The following CREBBP variants were observed in gnomAD, a reference collection of about 807,000 sequenced individuals.
CREBBP encodes the protein CREB-binding protein.
CREBBP carries 19 observed loss-of-function variants against 265.0 expected under a neutral mutation model. The ratio of observed to expected loss-of-function variants is 0.07; its 90% CI spans 0.05 to 0.11. The LOEUF is 0.11. Ranked by LOEUF, CREBBP falls within the 10% of genes least tolerant of loss-of-function variation. The probability of loss-of-function intolerance (pLI) is 1.00; values close to 1 mark genes in which losing one functional copy is unlikely to be tolerated. For missense variants in CREBBP, 2,525 were observed against 3,219.0 expected, an observed-to-expected ratio of 0.78 and a Z score of 5.22; for synonymous variants, 1,457 against 1,223.7, an observed-to-expected ratio of 1.19 and a Z score of -3.98.
intron 1 of CREBBP, among the ~76,000 whole-genome samples, chr16:3,861,559 G>C (rs942102361): frequency 6.7e-5 from 10 of 149,538 alleles, no homozygotes; most frequent in Non-Finnish European, 1.3e-4. Flanking sequence ...CATCCCTGCT[G>C]ATCTGTGGCA....
intron 2 of CREBBP, among the ~76,000 whole-genome samples, chr16:3,833,368 C>T (rs1471280410): frequency 6.6e-6 from 1 of 152,212 alleles, no homozygotes; most frequent in Non-Finnish European, 1.5e-5. Context: ...GGCGAGATAG[C>T]ACCACTGCAC....
At chr16:3,851,980 G>C (rs1426958897) in intron 1 of CREBBP, among the ~76,000 whole-genome samples, 1 of 126,100 alleles carries the variant, frequency 7.9e-6, no homozygotes, top group African/African-American at 2.9e-5. Flanking sequence ...GGAGCTTGCA[G>C]TGAGCTGAGA....
intron 1 of CREBBP, among the ~76,000 whole-genome samples, chr16:3,873,149 G>A (rs2055334891): frequency 6.6e-6 from 1 of 152,152 alleles, no homozygotes; most frequent in South Asian, 2.1e-4. Flanking sequence ...GGTACCTCAA[G>A]ATAAATTATA....
intron 2 of CREBBP, among the ~76,000 whole-genome samples, chr16:3,836,560 T>C (rs1197568014): frequency 6.6e-6 from 1 of 152,014 alleles, no homozygotes; most frequent in African/African-American, 2.4e-5. Context: ...TCCTGAATCT[T>C]GATAGGGGTG....
At chr16:3,759,112 C>T in intron 16 of CREBBP, 140 bp from the exon 17 acceptor site, 3 of 725,824 alleles carry the variant, frequency 4.1e-6, no homozygotes, top group South Asian at 1.5e-5. Flanking sequence ...TCGTCCATCA[C>T]CGTTAAGGAC....
chr16:3,803,718 C>A (rs992166750), intron 3 of CREBBP, among the ~76,000 whole-genome samples: 1 of 152,068 alleles, frequency 6.6e-6, no homozygotes, highest in Non-Finnish European at 1.5e-5. Flanking sequence ...CCTGGACCCA[C>A]AGCCACAGCC....
chr16:3,826,176 G>A (rs2054233330), intron 2 of CREBBP, among the ~76,000 whole-genome samples: 1 of 152,140 alleles, frequency 6.6e-6, no homozygotes, highest in Non-Finnish European at 1.5e-5. Context: ...TAACATCACT[G>A]CACTCCAGCC....
chr16:3,817,534 A>G (rs1333745457), intron 2 of CREBBP, among the ~76,000 whole-genome samples: 1 of 152,226 alleles, frequency 6.6e-6, no homozygotes, highest in Non-Finnish European at 1.5e-5. Flanking sequence ...AAGTTAGTAA[A>G]TGGAAATCCA....
At chr16:3,871,821 T>A (rs530209302) in intron 1 of CREBBP, among the ~76,000 whole-genome samples, 1 of 152,284 alleles carries the variant, frequency 6.6e-6, no homozygotes, top group East Asian at 1.9e-4. Flanking sequence ...TTATGCAAAT[T>A]CGAAAGGTTG....
At chr16:3,753,239 C>T (rs1259666843) in intron 19 of CREBBP, among the ~76,000 whole-genome samples, 1 of 152,222 alleles carries the variant, frequency 6.6e-6, no homozygotes, top group Admixed American at 6.5e-5. Context: ...CACCGTGTGG[C>T]CAGTTCACTA....
At chr16:3,849,454 T>C (rs1229669081) in intron 2 of CREBBP, among the ~76,000 whole-genome samples, 3 of 90,358 alleles carry the variant, frequency 3.3e-5, no homozygotes, top group African/African-American at 1.0e-4. Context: ...TGTGTGTGTG[T>C]GTGTGTGTGT....
At position 3,798,592 on chromosome 16, in the gene CREBBP, C is replaced by T. The variant is rs531144538; in HGVS notation, c.976-4966G>A. On this transcript the variant is annotated intron_variant, in intron 3 of 30. Coordinates refer to ENST00000262367, the MANE Select transcript of CREBBP (RefSeq NM_004380.3). ...ATGAAAAGATGTTGAACCTTATTAG[C>T]CATTAGGGAAATGCAAGTTAAGACC... Among the ~76,000 whole-genome samples, 8 of 152,292 alleles carry T rather than the reference C, an allele frequency of 5.3e-5. No homozygotes were observed. In the South Asian group the frequency reaches 1.7e-3, roughly 32 times the overall value.
chr16:3,768,627 G>A (rs549429226), intron 15 of CREBBP, among the ~76,000 whole-genome samples: 2 of 152,318 alleles, frequency 1.3e-5, no homozygotes, highest in East Asian at 3.9e-4. Context: ...GTGGCTAATT[G>A]GAGAGCCCAC....
chr16:3,738,253 A>G (rs971795876), intron 26 of CREBBP, among the ~76,000 whole-genome samples: 3 of 151,444 alleles, frequency 2.0e-5, no homozygotes, highest in African/African-American at 7.3e-5. Flanking sequence ...ACTAAAAACC[A>G]CTGAATCATA....
intron 5 of CREBBP, among the ~76,000 whole-genome samples, chr16:3,789,958 T>C (rs1010431190): frequency 5.3e-5 from 8 of 151,506 alleles, no homozygotes. Context: ...AAAAGAGAAA[T>C]CACCAAAGTT....
intron 2 of CREBBP, among the ~76,000 whole-genome samples, chr16:3,848,695 C>T (rs1326855009): frequency 6.6e-6 from 1 of 152,134 alleles, no homozygotes; most frequent in Non-Finnish European, 1.5e-5. Flanking sequence ...TTTAAACTCT[C>T]CAGAATAGAC....
At chr16:3,800,714 G>A (rs1230508776) in intron 3 of CREBBP, among the ~76,000 whole-genome samples, 1 of 151,866 alleles carries the variant, frequency 6.6e-6, no homozygotes, top group Non-Finnish European at 1.5e-5. Context: ...GCAAGACCCT[G>A]TTGCTAAAAA....
chr16:3,770,184 A>C (rs1006162303), intron 14 of CREBBP, among the ~76,000 whole-genome samples: 1 of 150,852 alleles, frequency 6.6e-6, no homozygotes, highest in Non-Finnish European at 1.5e-5. Context: ...TGGAGTTTTA[A>C]GTAAACAAAC....
chr16:3,814,164 A>AGTGTGTGTGT lies in CREBBP; in HGVS notation c.799-3395_799-3386dup, dbSNP rs35866243. On this transcript the variant is annotated intron_variant, in intron 2 of 30. Transcript: ENST00000262367. ...CTTTTCTAACTGGTCAATGTTGTTTAGTGTGTGTGTGTGTGTGTGTGTGTG... is the reference window on the plus strand; with the variant it reads ...CTTTTCTAACTGGTCAATGTTGTTTAGTGTGTGTGTGTGTGTGTGTGTGTGTGTGTGTGTG... Among the ~76,000 whole-genome samples the AGTGTGTGTGT allele has an allele frequency of 3.2e-3, 384 of 119,760 alleles. 5 individuals carry two copies. The highest frequency in any genetic ancestry group is 0.019 in the East Asian group (86 of 4,444). The allele number at this position is 119,760 out of a possible 152,430, so 78.6% of individuals were successfully genotyped here.
Sources: gnomAD v4.1 joint callset for allele counts (sites outside exome capture counted in the v4.1 genomes callset) on GRCh38, gnomAD v4.1.1 for gene constraint, MANE v1.5 for transcripts, NCBI Gene and HGNC (gene_info 2026-07-23, HGNC 2026-07-21) for gene names.